Variants in SNX1 observed in about 807,000 individuals in gnomAD.
SNX1 encodes sorting nexin-1.
A neutral mutation model predicts 71.8 loss-of-function variants in SNX1; 36 were observed. The ratio of observed to expected loss-of-function variants is 0.50; its 90% confidence interval spans 0.38 to 0.66. The LOEUF (loss-of-function observed/expected upper bound fraction) is 0.66. Ranked by LOEUF, SNX1 falls within the 30% of genes least tolerant of loss-of-function variation. The pLI, the probability that SNX1 is intolerant of heterozygous loss-of-function variation, is 0.00. For synonymous variants in SNX1, 254 were observed against 240.7 expected (o/e 1.06, Z -0.51); for missense variants, 612 against 646.7 (o/e 0.95, Z 0.58).
chr15:64,115,539 G>A, intron 2 of SNX1: 1 of 404,540 alleles, frequency 2.5e-6, no homozygotes, highest in South Asian at 1.8e-5. Context: ...AATTTCAGTA[G>A]AAGATGCACA....
chr15:64,137,037 CTGGG>C, intron 14 of SNX1, 105 bp downstream of exon 14: 2 of 822,620 alleles, frequency 2.4e-6, no homozygotes, highest in Non-Finnish European at 2.0e-6. Flanking sequence ...TTCTGAGGGG[CTGGG>C]CCCTCCTATA....
In SNX1 at chr15:64,133,858, C is replaced by T. The variant is rs974592257; in HGVS notation, c.1222-806C>T. Among the ~76,000 whole-genome samples the T allele has an allele frequency of 6.6e-5, 10 of 152,116 alleles. No individual in the cohort carries two copies. In the East Asian group the frequency reaches 9.6e-4, roughly 15 times the overall value. ...CTGCTTGGGGCCTATTAAGCAAGTC[C>T]GGGTGGGCGTGGTTAGTCAGGCCAG... On this transcript the variant is annotated intron_variant, in intron 11 of 14. Transcript: ENST00000559844.
In SNX1 at chr15:64,129,965, A is replaced by G; in HGVS notation, c.857A>G (p.Lys286Arg). Residue 286 changes from lysine to arginine, a missense_variant, in exon 9 of 15, where the codon AAG (lysine) becomes AGG (arginine). Lys to Arg is a conservative substitution (Grantham distance 26, BLOSUM62 2). Transcript: ENST00000559844. This position sits in a 1 kb window ranked among gnomAD's most constrained non-coding sequence, Gnocchi z 4.4. ...ACATTGAGTGGTGCTGGTCTCCTCA[A>G]GATGTTCAACAAAGCCACAGATGCC... The part of the protein sequence containing the change: ...TQTLSGAGLL[K>R]MFNKATDAVS... 2 of 1,614,178 alleles carry G rather than the reference A, an allele frequency of 1.2e-6. No homozygotes were observed. Among genetic ancestry groups the G allele is most frequent in the Non-Finnish European group, 1.7e-6 (2 of 1,180,036 alleles).
At position 64,129,045 on chromosome 15, in the gene SNX1, G is replaced by A. The variant is rs940804527; in HGVS notation, c.808-871G>A. ...GAGGATCACCTGAGGTCAGGAGTTC[G>A]AGACCAGCCTGGCCAACATGGCAAA... On this transcript the variant is annotated intron_variant, in intron 8 of 14. Transcript: ENST00000559844. The surrounding 1 kb of genome is among the most constrained non-coding windows in gnomAD (Gnocchi z 4.4). Among the ~76,000 whole-genome samples the A allele has an allele frequency of 6.6e-6, 1 of 152,098 alleles. No individual in the cohort carries two copies. The highest frequency in any genetic ancestry group is 2.4e-5 in the African/African-American group (1 of 41,388).
In SNX1 at chr15:64,096,045, C is replaced by T. The variant is rs775717942; in HGVS notation, c.32C>T (p.Ser11Leu). The change falls in exon 1 of 15, where the codon TCG becomes TTG. Residue 11 changes from serine (S) to leucine (L), a missense_variant. Physicochemically the swap from Ser to Leu is moderately radical, Grantham distance 145 (BLOSUM62 -2). Around this residue, in one of 2 missense-constraint regions of SNX1, gnomAD observed 316 missense variants for 284.9 expected, o/e 1.11. Transcript: ENST00000559844. ...TCGGGTGGTGGTGGCTGTAGCGCTTCGGAGAGACTGCCTCCGCCCTTCCCC... is the reference window on the plus strand; with the variant it reads ...TCGGGTGGTGGTGGCTGTAGCGCTTTGGAGAGACTGCCTCCGCCCTTCCCC... MASGGGGCSA[S>L]ERLPPPFPGL... 1.3e-5 allele frequency: 20 copies of T among 1,593,468 alleles called. No individual in the cohort carries two copies. Among genetic ancestry groups the T allele is most frequent in the Admixed American group, 1.8e-5 (1 of 56,460 alleles).
intron 2 of SNX1, among the ~76,000 whole-genome samples, chr15:64,114,053 A>G (rs1054862122): frequency 1.3e-5 from 2 of 152,248 alleles, no homozygotes; most frequent in Admixed American, 1.3e-4. Flanking sequence ...AGGACCTTAG[A>G]CATTAATAAT....
Position 64,137,869 on chromosome 15 carries a change from T to G in SNX1, c.*251T>G, listed in dbSNP as rs1470126950. 2 of 1,402,686 alleles carry G rather than the reference T, an allele frequency of 1.4e-6. No homozygotes were observed. The highest frequency in any genetic ancestry group is 5.1e-5 in the East Asian group (2 of 39,418). 86.9% of individuals were successfully genotyped at this position (1,402,686 alleles called of 1,614,324 possible). A position where few individuals can be genotyped will look rare whatever the true frequency, so the allele number is the denominator to read the frequency against. ...TACAATAGGTGGTGGAATTATGGGATGGGGTGGAGTATTGATATAAATATA... is the reference window on the plus strand; with the variant it reads ...TACAATAGGTGGTGGAATTATGGGAGGGGGTGGAGTATTGATATAAATATA... On this transcript the variant is annotated 3_prime_UTR_variant, in exon 15 of 15. Coordinates refer to ENST00000559844, the MANE Select transcript of SNX1 (RefSeq NM_003099.5).
chr15:64,116,732 T>C (rs1038247349), intron 2 of SNX1, among the ~76,000 whole-genome samples: 1 of 152,252 alleles, frequency 6.6e-6, no homozygotes. Context: ...AAGTTTGGAC[T>C]GTTTAGGCTT....
intron 4 of SNX1, among the ~76,000 whole-genome samples, chr15:64,122,860 ACAGT>A (rs2081209712): frequency 6.6e-6 from 1 of 152,128 alleles, no homozygotes; most frequent in Non-Finnish European, 1.5e-5. Flanking sequence ...AAATTATTTA[ACAGT>A]CAAAGACTTC....
chr15:64,097,061 T>C lies in SNX1; in HGVS notation c.159+889T>C, dbSNP rs2080910219. On this transcript the variant is annotated intron_variant, in intron 1 of 14. Transcript: ENST00000559844. ...GGGGCTCAAGAGCCCACTTACAAAGTTTTCTGGATTTTAAGTGCTCCTTTT... is the reference window on the plus strand; with the variant it reads ...GGGGCTCAAGAGCCCACTTACAAAGCTTTCTGGATTTTAAGTGCTCCTTTT... 2.6e-5 allele frequency among the ~76,000 whole-genome samples: 4 copies of C among 152,092 alleles called. No homozygotes were observed. In the South Asian group the frequency reaches 8.3e-4, roughly 31 times the overall value.
At chr15:64,099,041 G>A (rs1595971217) in intron 1 of SNX1, among the ~76,000 whole-genome samples, 1 of 152,144 alleles carries the variant, frequency 6.6e-6, no homozygotes, top group Non-Finnish European at 1.5e-5. Flanking sequence ...CAGCCATAAA[G>A]AACAAATTAT....
intron 4 of SNX1, among the ~76,000 whole-genome samples, chr15:64,121,291 A>C (rs2081194145): frequency 6.6e-6 from 1 of 152,210 alleles, no homozygotes; most frequent in East Asian, 1.9e-4. Flanking sequence ...GGAGGCCAGA[A>C]ATCTCAAATC....
chr15:64,097,761 A>G (rs2080918732), intron 1 of SNX1, among the ~76,000 whole-genome samples: 1 of 152,184 alleles, frequency 6.6e-6, no homozygotes, highest in Non-Finnish European at 1.5e-5. Context: ...CTGTGAATTT[A>G]TCTGTTTGGC....
At chr15:64,123,591 G>C in intron 5 of SNX1, 45 bp downstream of exon 5, 1 of 1,493,348 alleles carries the variant, frequency 6.7e-7, no homozygotes, top group Non-Finnish European at 9.3e-7. Flanking sequence ...ATAGACTTTG[G>C]TGCTTATACC....
rs2081381467 is a variant in SNX1, at chr15:64,138,230, T to C, written c.*612T>C. The C allele has an allele frequency of 4.0e-6, 6 of 1,486,102 alleles. No homozygotes were observed. In the South Asian group the frequency reaches 5.3e-5, roughly 13 times the overall value. The allele number at this position is 1,486,102 out of a possible 1,614,324, so 92.1% of individuals were successfully genotyped here. A position where few individuals can be genotyped will look rare whatever the true frequency, so the allele number is the denominator to read the frequency against. ...AATCTGTTTCGTATTCCCACTTCTTTAGGGAAGGAGTTTTAAAAACATCTC... is the reference window on the plus strand; with the variant it reads ...AATCTGTTTCGTATTCCCACTTCTTCAGGGAAGGAGTTTTAAAAACATCTC... On this transcript the variant is annotated 3_prime_UTR_variant, in exon 15 of 15. Coordinates refer to ENST00000559844, the MANE Select transcript of SNX1 (RefSeq NM_003099.5).
At chr15:64,128,130 G>A (rs1003455105) in intron 8 of SNX1, among the ~76,000 whole-genome samples, 2 of 152,098 alleles carry the variant, frequency 1.3e-5, no homozygotes, top group African/African-American at 2.4e-5. Flanking sequence ...TATGCCAGGC[G>A]GGTCACTGGT....
chr15:64,106,245 T>C (rs1317580751), intron 1 of SNX1, among the ~76,000 whole-genome samples: 1 of 152,212 alleles, frequency 6.6e-6, no homozygotes. Flanking sequence ...ATAATAATTT[T>C]ATTCCCATCC....
At chr15:64,101,183 T>C (rs555226787) in intron 1 of SNX1, among the ~76,000 whole-genome samples, 59 of 152,238 alleles carry the variant, frequency 3.9e-4, no homozygotes, top group Non-Finnish European at 7.6e-4. Flanking sequence ...GTGTATAGTT[T>C]AGTAGCACTA....
chr15:64,136,806 C>A, intron 13 of SNX1, 55 bp from the exon 14 acceptor site: 3 of 1,327,166 alleles, frequency 2.3e-6, no homozygotes, highest in Non-Finnish European at 3.3e-6. Context: ...ACACCACCAT[C>A]CCATCGAAAG....
Sources: gnomAD v4.1 joint callset for allele counts (sites outside exome capture counted in the v4.1 genomes callset) on GRCh38, gnomAD v4.1.1 for gene constraint, gnomAD v4.1.1 regional missense constraint, Gnocchi (gnomAD v3.1) non-coding constraint, MANE v1.5 for transcripts, NCBI Gene and HGNC (gene_info 2026-07-23, HGNC 2026-07-21) for gene names.